MDGA2: variants seen among roughly 807,000 people sequenced by gnomAD.
MDGA2 encodes MAM domain-containing glycosylphosphatidylinositol anchor protein 2.
Under a neutral mutation model 117.8 loss-of-function variants are expected in MDGA2, and 40 were observed. The observed-to-expected ratio is 0.34, with a 90% CI of 0.26 to 0.44. The LOEUF (loss-of-function observed/expected upper bound fraction) is 0.44, where lower values mean the gene tolerates loss of function less well. Among genes scored for constraint, MDGA2 ranks in the 20% least tolerant of loss-of-function variants. The pLI is 1.00. For missense variants in MDGA2, 1,123 were observed against 1,250.6 expected, an observed-to-expected ratio of 0.90 and a Z score of 1.54; for synonymous variants, 452 against 439.0, an observed-to-expected ratio of 1.03 and a Z score of -0.37.
chr14:47,665,500 C>T (rs911103719), intron 1 of MDGA2, among the ~76,000 whole-genome samples: 12 of 152,126 alleles, frequency 7.9e-5, no homozygotes, highest in East Asian at 5.8e-4. Flanking sequence ...AGGCTGGAGC[C>T]GGCTCCCTCG....
At chr14:46,907,963 A>G (rs759459044) in intron 10 of MDGA2, among the ~76,000 whole-genome samples, 9 of 152,196 alleles carry the variant, frequency 5.9e-5, no homozygotes, top group Non-Finnish European at 1.2e-4. Flanking sequence ...AGGAATTAGC[A>G]TATTATGTAC....
chr14:47,578,631 A>G (rs1896170206), intron 1 of MDGA2, among the ~76,000 whole-genome samples: 1 of 152,160 alleles, frequency 6.6e-6, no homozygotes, highest in Admixed American at 6.6e-5. Flanking sequence ...CAAATAATGG[A>G]AAAACAGCAG....
At chr14:47,508,854 A>T (rs1006017629) in intron 1 of MDGA2, among the ~76,000 whole-genome samples, 1 of 151,958 alleles carries the variant, frequency 6.6e-6, no homozygotes, top group Non-Finnish European at 1.5e-5. Context: ...TAATTTTTAA[A>T]TTTTTTTTTG....
intron 1 of MDGA2, among the ~76,000 whole-genome samples, chr14:47,609,270 G>C (rs949192967): frequency 1.3e-4 from 19 of 150,062 alleles, no homozygotes; most frequent in African/African-American, 4.6e-4. Flanking sequence ...TTATGCTTTT[G>C]CGTCCTCATA....
chr14:46,935,080 G>A (rs1225756589), intron 9 of MDGA2, among the ~76,000 whole-genome samples: 2 of 151,916 alleles, frequency 1.3e-5, no homozygotes, highest in African/African-American at 4.8e-5. Flanking sequence ...ACAACCATAT[G>A]TTTTACTGAA....
At chr14:47,094,545 T>C (rs571137191) in intron 6 of MDGA2, among the ~76,000 whole-genome samples, 2 of 152,152 alleles carry the variant, frequency 1.3e-5, no homozygotes, top group Admixed American at 1.3e-4. Context: ...AATGATCCCA[T>C]TATGAAAATT....
chr14:47,026,182 A>T (rs1244715913), intron 8 of MDGA2, among the ~76,000 whole-genome samples: 1 of 152,210 alleles, frequency 6.6e-6, no homozygotes. Context: ...AACAACATAT[A>T]AGCTAAAATT....
intron 1 of MDGA2, among the ~76,000 whole-genome samples, chr14:47,412,478 C>T (rs1360332360): frequency 6.6e-6 from 1 of 152,110 alleles, no homozygotes; most frequent in Non-Finnish European, 1.5e-5. Context: ...GATGAAGTCT[C>T]ACTATTTTGC....
intron 14 of MDGA2, among the ~76,000 whole-genome samples, chr14:46,856,846 T>C (rs912750567): frequency 6.6e-6 from 1 of 152,100 alleles, no homozygotes; most frequent in African/African-American, 2.4e-5. Context: ...CTTAACTTTA[T>C]CTCCTTTTAC....
intron 3 of MDGA2, among the ~76,000 whole-genome samples, chr14:47,198,411 A>G (rs1264094258): frequency 1.3e-5 from 2 of 152,012 alleles, no homozygotes. Flanking sequence ...TCTCTACTAA[A>G]AATACAAAAA....
intron 7 of MDGA2, among the ~76,000 whole-genome samples, chr14:47,051,928 T>C (rs1889472688): frequency 6.6e-6 from 1 of 151,936 alleles, no homozygotes; most frequent in Non-Finnish European, 1.5e-5. Flanking sequence ...TACCTCTATC[T>C]TCTCCTCTAA....
chr14:47,118,645 T>A lies in MDGA2; in HGVS notation c.925+13069A>T, dbSNP rs1023782263. On this transcript the variant is annotated intron_variant, in intron 5 of 16. Coordinates refer to ENST00000399232, the MANE Select transcript of MDGA2 (RefSeq NM_001113498.3). ...TATAGAATTATTTTGTTTTCCAAGT[T>A]CTTAATGTATATGTGTATTGATTTG... 5.3e-5 allele frequency among the ~76,000 whole-genome samples: 8 copies of A among 152,332 alleles called. No homozygotes were observed. In the East Asian group the frequency reaches 1.4e-3, roughly 26 times the overall value.
At chr14:47,441,595 C>T (rs1264141834) in intron 1 of MDGA2, among the ~76,000 whole-genome samples, 1 of 151,988 alleles carries the variant, frequency 6.6e-6, no homozygotes, top group Non-Finnish European at 1.5e-5. Context: ...TCAATAAGTA[C>T]AAGGTTATAT....
intron 15 of MDGA2, among the ~76,000 whole-genome samples, chr14:46,852,123 A>G (rs1881083203): frequency 6.6e-6 from 1 of 151,694 alleles, no homozygotes; most frequent in South Asian, 2.1e-4. Flanking sequence ...ATCTATCTTT[A>G]TTTTCCACTG....
chr14:47,030,366 T>C (rs542858769), intron 8 of MDGA2, among the ~76,000 whole-genome samples: 131 of 151,852 alleles, frequency 8.6e-4, no homozygotes, highest in African/African-American at 3.0e-3. Flanking sequence ...AATACAAAAT[T>C]AGCTGGGCAT....
At chr14:47,096,786 A>C in intron 6 of MDGA2, 68 bp downstream of exon 6, 4 of 1,480,108 alleles carry the variant, frequency 2.7e-6, no homozygotes, top group Non-Finnish European at 3.7e-6. Context: ...ATTTTATATC[A>C]ACCATTATTT....
chr14:47,301,310 CA>C, intron 2 of MDGA2, 100 bp downstream of exon 2: 1 of 1,309,372 alleles, frequency 7.6e-7, no homozygotes, highest in Non-Finnish European at 1.1e-6. Context: ...CACACACACA[CA>C]CACACACACA....
intron 15 of MDGA2, among the ~76,000 whole-genome samples, chr14:46,846,131 A>G (rs1880828421): frequency 1.3e-5 from 2 of 150,424 alleles, no homozygotes; most frequent in Admixed American, 6.6e-5. Flanking sequence ...ATTAAATAAT[A>G]CAATTAAAAA....
intron 7 of MDGA2, among the ~76,000 whole-genome samples, chr14:47,038,016 G>A (rs979067069): frequency 1.3e-5 from 2 of 152,118 alleles, no homozygotes; most frequent in African/African-American, 4.8e-5. Flanking sequence ...TGCAACCTCT[G>A]CCTCCCGGGT....
Sources: gnomAD v4.1 joint callset for allele counts (sites outside exome capture counted in the v4.1 genomes callset) on GRCh38, gnomAD v4.1.1 for gene constraint, MANE v1.5 for transcripts, NCBI Gene and HGNC (gene_info 2026-07-23, HGNC 2026-07-21) for gene names.